PHYHD1: variants seen among roughly 807,000 people sequenced by gnomAD.
The protein encoded by PHYHD1 is phytanoyl-CoA dioxygenase domain-containing protein 1.
Under a neutral mutation model 43.6 loss-of-function variants are expected in PHYHD1, and 42 were observed. That is an observed-to-expected ratio of 0.96 (90% CI 0.75 to 1.25). The LOEUF is 1.25. PHYHD1 is among the 50% of genes most tolerant of loss of function. The pLI is 0.00. For synonymous variants in PHYHD1, 139 were observed against 143.6 expected, an observed-to-expected ratio of 0.97 and a Z score of 0.23; for missense variants, 342 against 370.8, an observed-to-expected ratio of 0.92 and a Z score of 0.64.
In PHYHD1 at chr9:128,941,549, A is replaced by G; in HGVS notation, c.808A>G (p.Thr270Ala). ...YTFHLMEASG[T>A]TWSPENWLQP... Reference sequence around the variant, plus strand: ...TTTCCACCTCATGGAGGCCTCTGGCACCACCTGGAGCCCGGAGAACTGGTA... The same window carrying G: ...TTTCCACCTCATGGAGGCCTCTGGCGCCACCTGGAGCCCGGAGAACTGGTA... The change falls in exon 12 of 13, where the codon ACC becomes GCC. Residue 270 changes from threonine (T) to alanine (A), a missense_variant. By Grantham distance (58) the Thr-to-Ala change is moderately conservative (BLOSUM62 0). Coordinates refer to ENST00000372592, the MANE Select transcript of PHYHD1 (RefSeq NM_001100876.2). 2.5e-6 allele frequency: 4 copies of G among 1,614,160 alleles called. No individual in the cohort carries two copies. The highest frequency in any genetic ancestry group is 3.4e-6 in the Non-Finnish European group (4 of 1,180,032).
rs764360465 is a variant in PHYHD1 at position 128,940,352 on chromosome 9, C to T, written c.458-17C>T. The T allele has an allele frequency of 6.8e-6, 11 of 1,613,724 alleles. No homozygotes were observed. The highest frequency in any genetic ancestry group is 5.0e-5 in the Admixed American group (3 of 59,980). ...AGGCAAAAGGATGAGCTCCTCACCC[C>T]CCGTGGGCCTGCTTAGTCTCCCCTC... On this transcript the variant is annotated splice_polypyrimidine_tract_variant and intron_variant, in intron 9 of 12. Coordinates refer to ENST00000372592, the MANE Select transcript of PHYHD1 (RefSeq NM_001100876.2).
chr9:128,926,228 C>T (rs912828891), intron 3 of PHYHD1, among the ~76,000 whole-genome samples: 6 of 152,146 alleles, frequency 3.9e-5, no homozygotes, highest in African/African-American at 1.2e-4. Flanking sequence ...CCTTGCCGCT[C>T]CTTTTTCTTT....
chr9:128,929,013 T>G (rs1841206646), intron 4 of PHYHD1, among the ~76,000 whole-genome samples: 1 of 152,140 alleles, frequency 6.6e-6, no homozygotes, highest in South Asian at 2.1e-4. Flanking sequence ...TCCTGGGGAA[T>G]GCAATTATTG....
chr9:128,931,309 A>C (rs1437712391), intron 4 of PHYHD1, among the ~76,000 whole-genome samples: 1 of 151,820 alleles, frequency 6.6e-6, no homozygotes, highest in African/African-American at 2.4e-5. Flanking sequence ...ACGTGGTTTC[A>C]CCATGTTGGC....
chr9:128,940,578 G>C, intron 10 of PHYHD1, 21 bp from the exon 11 acceptor site: 1 of 1,614,036 alleles, frequency 6.2e-7, no homozygotes, highest in Non-Finnish European at 8.5e-7. Flanking sequence ...GGAGTTTAAG[G>C]CTCTCCATCT....
At chr9:128,941,617 TG>T in intron 12 of PHYHD1, 46 bp downstream of exon 12, 1 of 1,614,152 alleles carries the variant, frequency 6.2e-7, no homozygotes, top group South Asian at 1.1e-5. Flanking sequence ...CCCTGGAGGC[TG>T]GGAACAGTGA....
rs907277564 is a variant in PHYHD1, at chr9:128,927,831, G to A, written c.192+635G>A. On this transcript the variant is annotated intron_variant, in intron 4 of 12. Coordinates refer to ENST00000372592, the MANE Select transcript of PHYHD1 (RefSeq NM_001100876.2). ...GTTTTCCGGCTGTTCTCTGGTCACC[G>A]AAGGCCACTTTGTGGCCAGCCACCT... 7.9e-5 allele frequency among the ~76,000 whole-genome samples: 12 copies of A among 152,300 alleles called. 1 individual carries two copies. Among genetic ancestry groups the A allele is most frequent in the African/African-American group, 2.6e-4 (11 of 41,572 alleles).
At chr9:128,937,314 C>T (rs1433437735) in intron 8 of PHYHD1, among the ~76,000 whole-genome samples, 1 of 152,052 alleles carries the variant, frequency 6.6e-6, no homozygotes, top group Non-Finnish European at 1.5e-5. Context: ...CATCCCCAGG[C>T]CTCCCTCGGC....
chr9:128,936,277 T>TG (rs1367284085), intron 6 of PHYHD1, among the ~76,000 whole-genome samples, 171 bp from the exon 7 acceptor site: 1 of 150,938 alleles, frequency 6.6e-6, no homozygotes, highest in Non-Finnish European at 1.5e-5. Context: ...GGGCCTGGGG[T>TG]GGGGGCAAGG....
At chr9:128,938,105 G>A (rs958705735) in intron 9 of PHYHD1, among the ~76,000 whole-genome samples, 5 of 152,088 alleles carry the variant, frequency 3.3e-5, no homozygotes, top group Non-Finnish European at 5.9e-5. Context: ...TCAGGAATTC[G>A]AGACCAGCCT....
intron 3 of PHYHD1, among the ~76,000 whole-genome samples, chr9:128,924,138 C>T (rs934460450): frequency 6.6e-6 from 1 of 151,568 alleles, no homozygotes; most frequent in Non-Finnish European, 1.5e-5. Context: ...ATAAACAGGC[C>T]GGGCGCAGTG....
chr9:128,941,738 C>A lies in PHYHD1; in HGVS notation c.*25C>A, dbSNP rs375648347. 6.2e-7 allele frequency: 1 copy of A among 1,613,938 alleles called. No individual in the cohort carries two copies. Among genetic ancestry groups the A allele is most frequent in the East Asian group, 2.2e-5 (1 of 44,884 alleles). ...AAGGCTCTCGCAGGGCAGGAGCCCT[C>A]GCCCCTCCCGGGTGAAGCTGTGGGC... On this transcript the variant is annotated 3_prime_UTR_variant, in exon 13 of 13. Coordinates refer to ENST00000372592, the MANE Select transcript of PHYHD1 (RefSeq NM_001100876.2).
chr9:128,922,351 C>T lies in PHYHD1; in HGVS notation c.28C>T (p.Gln10Ter), dbSNP rs1274865339. 1.3e-6 allele frequency: 2 copies of T among 1,549,680 alleles called. No homozygotes were observed. The highest frequency in any genetic ancestry group is 2.7e-5 in the African/African-American group (2 of 73,002). The change falls in exon 3 of 13, where the codon CAG becomes TAG. Residue 10 changes from glutamine (Q) to a stop codon, truncating the protein, a stop_gained. Coordinates refer to ENST00000372592, the MANE Select transcript of PHYHD1 (RefSeq NM_001100876.2). LOFTEE classifies it high-confidence loss of function. Reference protein sequence around the residue: MACLSPSQLQKFQQDGFLVL... With the variant: MACLSPSQL ...GGCCTGCCTGAGCCCCTCGCAGCTC[C>T]AGAAGGTAGGAGCCTGCAAGTCGGG...
intron 9 of PHYHD1, chr9:128,938,084 A>G (rs1841470550): frequency 2.7e-6 from 2 of 738,432 alleles, no homozygotes; most frequent in Admixed American, 6.7e-5. Flanking sequence ...AGGCGAGCGG[A>G]TCACCTGAGG....
At chr9:128,939,589 A>AT (rs1222333052) in intron 9 of PHYHD1, among the ~76,000 whole-genome samples, 2 of 123,644 alleles carry the variant, frequency 1.6e-5, no homozygotes, top group African/African-American at 5.2e-5. Context: ...AAAAAAAAAA[A>AT]AAATAATAAT....
At chr9:128,933,180 A>G (rs1841341019) in intron 4 of PHYHD1, among the ~76,000 whole-genome samples, 2 of 122,866 alleles carry the variant, frequency 1.6e-5, no homozygotes, top group African/African-American at 3.2e-5. Flanking sequence ...TTTGAGACAG[A>G]GTCTCACTCT....
chr9:128,940,624 G>A lies in PHYHD1; in HGVS notation c.612G>A (p.Arg204=). Residue 204 remains arginine, a synonymous_variant, in exon 11 of 13, where the codon CGG becomes CGA. Coordinates refer to ENST00000372592, the MANE Select transcript of PHYHD1 (RefSeq NM_001100876.2). The part of the protein sequence containing the change: ...HTSGVSRRMV[R]APVGSAPGTS... ...GTGGTGTGTCAAGAAGGATGGTCCGGGCCCCTGTTGGCTCAGCGCCTGGTA... is the reference window on the plus strand; with the variant it reads ...GTGGTGTGTCAAGAAGGATGGTCCGAGCCCCTGTTGGCTCAGCGCCTGGTA... 1 of 1,614,146 alleles carries A rather than the reference G, an allele frequency of 6.2e-7. No homozygotes were observed. The highest frequency in any genetic ancestry group is 8.5e-7 in the Non-Finnish European group (1 of 1,180,014).
At chr9:128,928,917 G>A (rs1387329128) in intron 4 of PHYHD1, among the ~76,000 whole-genome samples, 1 of 152,118 alleles carries the variant, frequency 6.6e-6, no homozygotes, top group Non-Finnish European at 1.5e-5. Context: ...ACTGTAAGTT[G>A]GATAAAACTG....
At chr9:128,933,103 G>A (rs13299604) in intron 4 of PHYHD1, among the ~76,000 whole-genome samples, 7 of 147,268 alleles carry the variant, frequency 4.8e-5, no homozygotes, top group African/African-American at 1.0e-4. Flanking sequence ...CGCCCACCTC[G>A]GCCTCCCAAA....
Sources: gnomAD v4.1 joint callset for allele counts (sites outside exome capture counted in the v4.1 genomes callset) on GRCh38, gnomAD v4.1.1 for gene constraint, MANE v1.5 for transcripts, NCBI Gene and HGNC (gene_info 2026-07-23, HGNC 2026-07-21) for gene names.